SUPT3H: variants seen among roughly 807,000 people sequenced by gnomAD.
SUPT3H encodes the protein SPT3 homolog, SAGA and STAGA complex component, also known as transcription initiation protein SPT3 homolog.
In SUPT3H, 44 loss-of-function variants were observed where a neutral mutation model predicts 44.3. The observed-to-expected ratio is 0.99, with a 90% CI of 0.78 to 1.28. The LOEUF (loss-of-function observed/expected upper bound fraction) is 1.28. Ranked by LOEUF, SUPT3H falls within the 50% of genes most tolerant of loss-of-function variation. The probability of loss-of-function intolerance (pLI) is 0.00; values close to 1 mark genes in which losing one functional copy is unlikely to be tolerated. For synonymous variants in SUPT3H, 124 were observed against 125.6 expected, an observed-to-expected ratio of 0.99 and a Z score of 0.09; for missense variants, 380 against 387.1, an observed-to-expected ratio of 0.98 and a Z score of 0.15.
chr6:45,166,566 C>T lies in SUPT3H; in HGVS notation c.102-60560G>A, dbSNP rs560803863. ...GGCCACTGCACTCCAGCCTGGGCGA[C>T]AGAGCAAGACTCCATCCAAAAAAAA... On this transcript the variant is annotated intron_variant, in intron 2 of 10. Coordinates refer to ENST00000371459, the MANE Select transcript of SUPT3H (RefSeq NM_003599.4). Among the ~76,000 whole-genome samples, 15 of 107,942 alleles carry T rather than the reference C, an allele frequency of 1.4e-4. 1 individual carries two copies. In the South Asian group the frequency reaches 4.9e-3, roughly 35 times the overall value. 70.8% of individuals were successfully genotyped at this position (107,942 alleles called of 152,430 possible).
intron 1 of SUPT3H, among the ~76,000 whole-genome samples, chr6:45,366,519 G>A (rs187014038): frequency 4.6e-5 from 7 of 152,184 alleles, no homozygotes; most frequent in East Asian, 1.9e-4. Flanking sequence ...TCCCTCTTCC[G>A]TTAAAGGGGA....
At chr6:45,369,443 A>G (rs1352908597) in intron 1 of SUPT3H, among the ~76,000 whole-genome samples, 1 of 152,156 alleles carries the variant, frequency 6.6e-6, no homozygotes, top group Non-Finnish European at 1.5e-5. Flanking sequence ...AGTGCATACT[A>G]ATTATTTTTG....
intron 3 of SUPT3H, among the ~76,000 whole-genome samples, chr6:45,084,253 G>A (rs148491779): frequency 6.0e-4 from 91 of 152,246 alleles, no homozygotes; most frequent in Admixed American, 1.5e-3. Flanking sequence ...TGCGACAAAG[G>A]TCTACGTCTA....
intron 2 of SUPT3H, among the ~76,000 whole-genome samples, chr6:45,232,774 A>G (rs546560989): frequency 1.3e-5 from 2 of 152,254 alleles, no homozygotes; most frequent in South Asian, 2.1e-4. Context: ...ACAGCACTGC[A>G]TAAGGGTTAG....
In SUPT3H at chr6:44,827,613, A is replaced by T. The variant is rs920623772; in HGVS notation, c.*2203T>A. Reference sequence around the variant, plus strand: ...ATAATTTACTGAAGTTTTCTTAAACATTCCTTCTGTAAATTTTCTTTTGTT... The same window carrying T: ...ATAATTTACTGAAGTTTTCTTAAACTTTCCTTCTGTAAATTTTCTTTTGTT... On this transcript the variant is annotated 3_prime_UTR_variant, in exon 11 of 11. Transcript: ENST00000371459. Among the ~76,000 whole-genome samples, 1 of 152,156 alleles carries T rather than the reference A, an allele frequency of 6.6e-6. No homozygotes were observed. The highest frequency in any genetic ancestry group is 6.5e-5 in the Admixed American group (1 of 15,268).
chr6:45,261,375 T>C lies in SUPT3H; in HGVS notation c.101+103826A>G, dbSNP rs374608263. Among the ~76,000 whole-genome samples the C allele has an allele frequency of 3.3e-4, 50 of 152,084 alleles. No homozygotes were observed. In the East Asian group the frequency reaches 8.9e-3, roughly 27 times the overall value. On this transcript the variant is annotated intron_variant, in intron 2 of 10. Coordinates refer to ENST00000371459, the MANE Select transcript of SUPT3H (RefSeq NM_003599.4). ...GGCACATCAAAAAGCTAACTGACAA[T>C]GATAAAGTAGCCTTTATTCTTGTGA...
At chr6:45,285,491 C>A (rs890262635) in intron 2 of SUPT3H, among the ~76,000 whole-genome samples, 1 of 152,000 alleles carries the variant, frequency 6.6e-6, no homozygotes, top group African/African-American at 2.4e-5. Flanking sequence ...CTCCCATTCA[C>A]AATTGCTTCA....
At chr6:45,328,876 G>C in intron 2 of SUPT3H, 1 of 1,298,488 alleles carries the variant, frequency 7.7e-7, no homozygotes, top group Non-Finnish European at 1.1e-6. Context: ...TTTCCAAATA[G>C]CATATTAAAG....
rs9395076 is a variant in SUPT3H at position 45,179,854 on chromosome 6, T to C, written c.102-73848A>G. Among the ~76,000 whole-genome samples the C allele has an allele frequency of 9.8e-5, 15 of 152,314 alleles. No individual in the cohort carries two copies. The East Asian group carries it at 2.9e-3, about 29-fold the overall frequency. On this transcript the variant is annotated intron_variant, in intron 2 of 10. Coordinates refer to ENST00000371459, the MANE Select transcript of SUPT3H (RefSeq NM_003599.4). ...TCACCACTCCTATTCAACATAGTGA[T>C]GGAAGTTCTGTCCAGGGCAATTAGG...
intron 6 of SUPT3H, among the ~76,000 whole-genome samples, chr6:44,972,902 C>T (rs1339924600): frequency 1.3e-5 from 2 of 152,174 alleles, no homozygotes; most frequent in African/African-American, 4.8e-5. Flanking sequence ...CTCATGAAAC[C>T]ATTTTTTCCT....
chr6:45,177,278 G>C (rs916084063), intron 2 of SUPT3H, among the ~76,000 whole-genome samples: 7 of 152,196 alleles, frequency 4.6e-5, no homozygotes, highest in African/African-American at 1.7e-4. Flanking sequence ...GAATGCAGAA[G>C]CCTCAGGAGC....
At chr6:44,839,952 G>A (rs912555191) in intron 10 of SUPT3H, among the ~76,000 whole-genome samples, 19 of 152,240 alleles carry the variant, frequency 1.2e-4, no homozygotes, top group Admixed American at 7.2e-4. Flanking sequence ...CGCCCGCCTT[G>A]GCCTCCCAAA....
At chr6:45,375,926 A>G (rs1225904275) in intron 1 of SUPT3H, among the ~76,000 whole-genome samples, 2 of 152,184 alleles carry the variant, frequency 1.3e-5, no homozygotes, top group East Asian at 3.8e-4. Flanking sequence ...GATAACCATA[A>G]AACTAGTTCT....
Position 45,332,019 on chromosome 6 carries a change from GAATT to G in SUPT3H, c.101+33178_101+33181del, listed in dbSNP as rs528911238. The stretch of plus-strand genomic sequence containing the variant: ...GCACTAAGATTTTATCAAACACACA[GAATT>G]AATATTTATTGAATAGAACCATTCA... On this transcript the variant is annotated intron_variant, in intron 2 of 10. Coordinates refer to ENST00000371459, the MANE Select transcript of SUPT3H (RefSeq NM_003599.4). 2.0e-3 allele frequency among the ~76,000 whole-genome samples: 306 copies of G among 151,950 alleles called. 1 individual carries two copies. Among genetic ancestry groups the G allele is most frequent in the African/African-American group, 6.8e-3 (281 of 41,480 alleles).
At chr6:45,356,111 G>T (rs1293061937) in intron 2 of SUPT3H, among the ~76,000 whole-genome samples, 1 of 152,046 alleles carries the variant, frequency 6.6e-6, no homozygotes, top group Non-Finnish European at 1.5e-5. Context: ...TAGAAAAGTG[G>T]TTGTGTACTC....
At chr6:45,077,817 C>T (rs781699349) in intron 3 of SUPT3H, among the ~76,000 whole-genome samples, 2 of 151,440 alleles carry the variant, frequency 1.3e-5, no homozygotes, top group Non-Finnish European at 2.9e-5. Context: ...TTTTGTTTTG[C>T]CTAAAATTTC....
intron 2 of SUPT3H, among the ~76,000 whole-genome samples, chr6:45,255,867 C>A (rs1268271671): frequency 6.6e-6 from 1 of 152,118 alleles, no homozygotes; most frequent in Non-Finnish European, 1.5e-5. Flanking sequence ...ACATTTTTAT[C>A]ACACAGAAAA....
At chr6:45,242,824 T>A (rs1770615680) in intron 2 of SUPT3H, among the ~76,000 whole-genome samples, 1 of 152,010 alleles carries the variant, frequency 6.6e-6, no homozygotes, top group Admixed American at 6.6e-5. Flanking sequence ...ATAAGGCCCA[T>A]AAACAGAAGA....
chr6:45,043,165 ACACACG>A (rs1381698472), intron 3 of SUPT3H, among the ~76,000 whole-genome samples: 3 of 151,228 alleles, frequency 2.0e-5, no homozygotes, highest in African/African-American at 7.3e-5. Flanking sequence ...ACACACACAC[ACACACG>A]CACACACACA....
Sources: gnomAD v4.1 joint callset for allele counts (sites outside exome capture counted in the v4.1 genomes callset) on GRCh38, gnomAD v4.1.1 for gene constraint, MANE v1.5 for transcripts, NCBI Gene and HGNC (gene_info 2026-07-23, HGNC 2026-07-21) for gene names.